Variants in CRIPT observed in about 807,000 individuals in gnomAD.
CRIPT encodes the protein CXXC repeat containing interactor of PDZ3 domain, also known as cysteine-rich PDZ-binding protein.
Under a neutral mutation model 16.6 loss-of-function variants are expected in CRIPT, and 20 were observed. That is an observed-to-expected ratio of 1.20 (90% CI 0.85 to 1.75). The LOEUF (loss-of-function observed/expected upper bound fraction) is 1.75. Ranked by LOEUF, CRIPT falls within the 40% of genes most tolerant of loss-of-function variation. The pLI, the probability that CRIPT is intolerant of heterozygous loss-of-function variation, is 0.00. For missense variants in CRIPT, 133 were observed against 115.3 expected, an observed-to-expected ratio of 1.15 and a Z score of -0.70; for synonymous variants, 42 against 37.0, an observed-to-expected ratio of 1.14 and a Z score of -0.49.
In CRIPT at chr2:46,629,402, C is replaced by G. The variant is rs1006050834; in HGVS notation, c.*5175C>G. The stretch of plus-strand genomic sequence containing the variant: ...TCAGAAATTTAACATTGCCATAATA[C>G]TTTACAGTCCATATTTCAATTTCAT... On this transcript the variant is annotated 3_prime_UTR_variant, in exon 5 of 5. Transcript: ENST00000238892. Among the ~76,000 whole-genome samples, 4 of 152,190 alleles carry G rather than the reference C, an allele frequency of 2.6e-5. No individual in the cohort carries two copies. Among genetic ancestry groups the G allele is most frequent in the African/African-American group, 9.6e-5 (4 of 41,452 alleles).
intron 3 of CRIPT, among the ~76,000 whole-genome samples, chr2:46,623,135 A>G (rs1386791350): frequency 2.6e-5 from 4 of 152,220 alleles, no homozygotes; most frequent in Non-Finnish European, 4.4e-5. Context: ...ATTAAAAGAT[A>G]CACATACTTT....
Position 46,624,169 on chromosome 2 carries a change from G to A in CRIPT, c.248G>A (p.Cys83Tyr). Residue 83 changes from cysteine (C) to tyrosine (Y), a missense_variant, in exon 5 of 5, where the codon TGT (cysteine) becomes TAT (tyrosine). Coordinates refer to ENST00000238892, the MANE Select transcript of CRIPT (RefSeq NM_014171.6). Reference protein sequence around the residue: ...CQGCAYKKGICAMCGKKVLDT... With the variant: ...CQGCAYKKGIYAMCGKKVLDT... The stretch of plus-strand genomic sequence containing the variant: ...ATATCTTCTTTTGTTTCAGGCATCT[G>A]TGCGATGTGTGGAAAAAAGGTTTTG... The A allele has an allele frequency of 1.9e-6, 3 of 1,580,916 alleles. No individual in the cohort carries two copies. The highest frequency in any genetic ancestry group is 2.6e-6 in the Non-Finnish European group (3 of 1,160,100).
At chr2:46,618,713 A>C (rs1558716862) in intron 1 of CRIPT, 60 bp from the exon 2 acceptor site, 1 of 1,099,340 alleles carries the variant, frequency 9.1e-7, no homozygotes, top group Non-Finnish European at 1.4e-6. Context: ...CTTAGGCACA[A>C]TGTAATGCAC....
rs1238639120 is a variant in CRIPT at position 46,630,000 on chromosome 2, C to A, written c.*5773C>A. Reference sequence around the variant, plus strand: ...ATTCTACTGTAAGGAAGAGGTTTCCCTTTATCATCAACTTCGAGTAAGTAC... The same window carrying A: ...ATTCTACTGTAAGGAAGAGGTTTCCATTTATCATCAACTTCGAGTAAGTAC... On this transcript the variant is annotated 3_prime_UTR_variant, in exon 5 of 5. Coordinates refer to ENST00000238892, the MANE Select transcript of CRIPT (RefSeq NM_014171.6). Among the ~76,000 whole-genome samples, 1 of 151,982 alleles carries A rather than the reference C, an allele frequency of 6.6e-6. No homozygotes were observed. The highest frequency in any genetic ancestry group is 1.5e-5 in the Non-Finnish European group (1 of 67,982).
Position 46,618,185 on chromosome 2 carries a change from T to C in CRIPT, c.17-588T>C, listed in dbSNP as rs187189838. On this transcript the variant is annotated intron_variant, in intron 1 of 4. Coordinates refer to ENST00000238892, the MANE Select transcript of CRIPT (RefSeq NM_014171.6). ...TTTCTTCTAGTACTTTAGCTGTCGA[T>C]TATTATACTTTTTATTTTTTAAGCT... Among the ~76,000 whole-genome samples, 15 of 152,088 alleles carry C rather than the reference T, an allele frequency of 9.9e-5. No individual in the cohort carries two copies. The East Asian group carries it at 2.9e-3, about 29-fold the overall frequency.
At position 46,628,425 on chromosome 2, in the gene CRIPT, T is replaced by G. The variant is rs1670995940; in HGVS notation, c.*4198T>G. On this transcript the variant is annotated 3_prime_UTR_variant, in exon 5 of 5. Transcript: ENST00000238892. Reference sequence around the variant, plus strand: ...GGACCCGGCAGGATTTTTCTAATTCTGTGAAAAATGATGTTTGTAGTTTGA... The same window carrying G: ...GGACCCGGCAGGATTTTTCTAATTCGGTGAAAAATGATGTTTGTAGTTTGA... Among the ~76,000 whole-genome samples, 1 of 152,150 alleles carries G rather than the reference T, an allele frequency of 6.6e-6. No homozygotes were observed. The highest frequency in any genetic ancestry group is 6.5e-5 in the Admixed American group (1 of 15,282).
At position 46,626,034 on chromosome 2, in the gene CRIPT, T is replaced by A. The variant is rs1670931079; in HGVS notation, c.*1807T>A. Among the ~76,000 whole-genome samples, 1 of 152,160 alleles carries A rather than the reference T, an allele frequency of 6.6e-6. No individual in the cohort carries two copies. The highest frequency in any genetic ancestry group is 2.1e-4 in the South Asian group (1 of 4,832). On this transcript the variant is annotated 3_prime_UTR_variant, in exon 5 of 5. Transcript: ENST00000238892. ...GTGATGCTGAGGTTTGGGGTACAAATGATCCTGTCACCCAGGTAGTGAGCA... is the reference window on the plus strand; with the variant it reads ...GTGATGCTGAGGTTTGGGGTACAAAAGATCCTGTCACCCAGGTAGTGAGCA...
chr2:46,623,947 C>T, intron 4 of CRIPT, 80 bp downstream of exon 4: 1 of 1,008,500 alleles, frequency 9.9e-7, no homozygotes, highest in East Asian at 2.7e-5. Context: ...AAAGATGTAG[C>T]CTGTCATAAA....
intron 3 of CRIPT, among the ~76,000 whole-genome samples, chr2:46,622,059 C>G (rs1336730425): frequency 6.6e-6 from 1 of 152,170 alleles, no homozygotes; most frequent in Non-Finnish European, 1.5e-5. Flanking sequence ...TAAGAAAAAA[C>G]TCTGCCAGTT....
In CRIPT at chr2:46,627,233, T is replaced by C. The variant is rs1670961941; in HGVS notation, c.*3006T>C. On this transcript the variant is annotated 3_prime_UTR_variant, in exon 5 of 5. Transcript: ENST00000238892. Reference sequence around the variant, plus strand: ...CACAGTTTGTGAATATTCTCTCCCATTCTGTAGGTTGTCTGTTTACTGTAT... The same window carrying C: ...CACAGTTTGTGAATATTCTCTCCCACTCTGTAGGTTGTCTGTTTACTGTAT... Among the ~76,000 whole-genome samples, 1 of 152,142 alleles carries C rather than the reference T, an allele frequency of 6.6e-6. No individual in the cohort carries two copies. Among genetic ancestry groups the C allele is most frequent in the Admixed American group, 6.5e-5 (1 of 15,274 alleles).
At position 46,629,827 on chromosome 2, in the gene CRIPT, C is replaced by A. The variant is rs188515112; in HGVS notation, c.*5600C>A. On this transcript the variant is annotated 3_prime_UTR_variant, in exon 5 of 5. Coordinates refer to ENST00000238892, the MANE Select transcript of CRIPT (RefSeq NM_014171.6). ...TAATTTGTGAGGAGAAACTTTGAGA[C>A]CTTGTTGACAATTCTGTTCCTCATC... Among the ~76,000 whole-genome samples the A allele has an allele frequency of 2.0e-5, 3 of 152,250 alleles. No homozygotes were observed. The highest frequency in any genetic ancestry group is 2.0e-4 in the Admixed American group (3 of 15,298).
chr2:46,624,189 G>A lies in CRIPT; in HGVS notation c.268G>A (p.Val90Ile). ...KGICAMCGKK[V>I]LDTKNYKQTS... ...CATCTGTGCGATGTGTGGAAAAAAG[G>A]TTTTGGATACCAAAAACTACAAGCA... Residue 90 changes from valine to isoleucine, a missense_variant, in exon 5 of 5, where the codon GTT becomes ATT. Val to Ile is a conservative substitution (Grantham distance 29). Transcript: ENST00000238892. 1 of 1,581,820 alleles carries A rather than the reference G, an allele frequency of 6.3e-7. No individual in the cohort carries two copies. Among genetic ancestry groups the A allele is most frequent in the Non-Finnish European group, 8.6e-7 (1 of 1,160,588 alleles).
At position 46,628,658 on chromosome 2, in the gene CRIPT, G is replaced by A. The variant is rs1456010; in HGVS notation, c.*4431G>A. Among the ~76,000 whole-genome samples, 37,990 of 152,042 alleles carry A rather than the reference G, an allele frequency of 0.25. 7,807 individuals are homozygous for A. Among genetic ancestry groups the A allele is most frequent in the African/African-American group, 0.57 (23,642 of 41,444 alleles). On this transcript the variant is annotated 3_prime_UTR_variant, in exon 5 of 5. Coordinates refer to ENST00000238892, the MANE Select transcript of CRIPT (RefSeq NM_014171.6). ...TCCATGAATGGATCATCCAGTGGCC[G>A]CACTTAGGTTCTCCTATGAAGATTT...
At chr2:46,622,229 G>C (rs968664931) in intron 3 of CRIPT, among the ~76,000 whole-genome samples, 1 of 151,972 alleles carries the variant, frequency 6.6e-6, no homozygotes, top group Non-Finnish European at 1.5e-5. Flanking sequence ...AATTAGCCGG[G>C]CGTGGTGGCG....
At chr2:46,618,997 A>G (rs770378491) in intron 2 of CRIPT, among the ~76,000 whole-genome samples, 159 bp downstream of exon 2, 27 of 152,192 alleles carry the variant, frequency 1.8e-4, no homozygotes, top group Non-Finnish European at 3.1e-4. Context: ...AATATCTTCT[A>G]TTTAGTTCTC....
chr2:46,628,928 GC>G lies in CRIPT; in HGVS notation c.*4703del, dbSNP rs1239106863. Among the ~76,000 whole-genome samples the G allele has an allele frequency of 2.3e-4, 35 of 152,132 alleles. No individual in the cohort carries two copies. The highest frequency in any genetic ancestry group is 8.0e-4 in the African/African-American group (33 of 41,428). On this transcript the variant is annotated 3_prime_UTR_variant, in exon 5 of 5. Coordinates refer to ENST00000238892, the MANE Select transcript of CRIPT (RefSeq NM_014171.6). ...AAAAGTTTAAAAACAAGGAATTAAA[GC>G]CAAACCTAACTTTTATCAAAATAAA...
chr2:46,627,077 C>T lies in CRIPT; in HGVS notation c.*2850C>T, dbSNP rs1269513318. Among the ~76,000 whole-genome samples the T allele has an allele frequency of 2.0e-5, 3 of 152,210 alleles. No homozygotes were observed. The highest frequency in any genetic ancestry group is 7.2e-5 in the African/African-American group (3 of 41,450). On this transcript the variant is annotated 3_prime_UTR_variant, in exon 5 of 5. Coordinates refer to ENST00000238892, the MANE Select transcript of CRIPT (RefSeq NM_014171.6). ...CGAATTCCTGACCTCAGGTGATCCACCCATCTCAGCCTCCCAAAGTGCTGG... is the reference window on the plus strand; with the variant it reads ...CGAATTCCTGACCTCAGGTGATCCATCCATCTCAGCCTCCCAAAGTGCTGG...
At chr2:46,622,231 G>A (rs975532306) in intron 3 of CRIPT, among the ~76,000 whole-genome samples, 34 of 152,050 alleles carry the variant, frequency 2.2e-4, no homozygotes, top group African/African-American at 7.2e-4. Context: ...TTAGCCGGGC[G>A]TGGTGGCGGT....
chr2:46,622,752 G>A (rs568469164), intron 3 of CRIPT, among the ~76,000 whole-genome samples: 1 of 152,148 alleles, frequency 6.6e-6, no homozygotes, highest in African/African-American at 2.4e-5. Context: ...GGCAGAGGTT[G>A]CAGTAAGCCA....
Sources: gnomAD v4.1 joint callset for allele counts (sites outside exome capture counted in the v4.1 genomes callset) on GRCh38, gnomAD v4.1.1 for gene constraint, MANE v1.5 for transcripts, NCBI Gene and HGNC (gene_info 2026-07-23, HGNC 2026-07-21) for gene names.